Variants in FRMD4A observed in about 807,000 individuals in gnomAD.
FRMD4A encodes the protein FERM domain-containing protein 4A.
In FRMD4A, 29 loss-of-function variants were observed where a neutral mutation model predicts 129.1. The observed-to-expected ratio is 0.22, with a 90% CI of 0.17 to 0.31. The LOEUF is 0.31. Among genes scored for constraint, FRMD4A ranks in the 10% least tolerant of loss-of-function variants. The pLI is 1.00. For synonymous variants in FRMD4A, 634 were observed against 571.6 expected (o/e 1.11, Z -1.56); for missense variants, 1,272 against 1,375.8 (o/e 0.92, Z 1.19).
chr10:13,682,528 T>A (rs1298472279), intron 15 of FRMD4A, among the ~76,000 whole-genome samples: 1 of 136,904 alleles, frequency 7.3e-6, no homozygotes, highest in Non-Finnish European at 1.5e-5. Context: ...TGAGACAGAG[T>A]CTCGCTTTGT....
At chr10:13,955,711 G>A (rs923500078) in intron 2 of FRMD4A, among the ~76,000 whole-genome samples, 6 of 152,356 alleles carry the variant, frequency 3.9e-5, no homozygotes, top group Non-Finnish European at 7.3e-5. Flanking sequence ...GTGCCCTGCC[G>A]GGGTCTACTT....
intron 2 of FRMD4A, among the ~76,000 whole-genome samples, chr10:14,233,159 A>G (rs17154879): frequency 0.019 from 2,958 of 152,330 alleles, 68 homozygotes; most frequent in African/African-American, 0.05. Flanking sequence ...GACACAGTGT[A>G]AGCAGTCATT....
At chr10:13,890,041 CAG>C (rs1021974316) in intron 2 of FRMD4A, among the ~76,000 whole-genome samples, 3 of 152,150 alleles carry the variant, frequency 2.0e-5, no homozygotes, top group African/African-American at 4.8e-5. Flanking sequence ...TAACAGAAGA[CAG>C]TGTACAAACT....
rs371973025 is a variant in FRMD4A at position 14,178,941 on chromosome 10, A to T, written c.45+151117T>A. Reference sequence around the variant, plus strand: ...CCTATAGAGGAAAACTCCCCACACCAAGGAACCTCTCTTAGCAAATGCCCT... The same window carrying T: ...CCTATAGAGGAAAACTCCCCACACCTAGGAACCTCTCTTAGCAAATGCCCT... On this transcript the variant is annotated intron_variant, in intron 2 of 24. Coordinates refer to ENST00000357447, the MANE Select transcript of FRMD4A (RefSeq NM_018027.5). 4.5e-4 allele frequency among the ~76,000 whole-genome samples: 68 copies of T among 152,258 alleles called. No homozygotes were observed. The South Asian group carries it at 0.014, about 31-fold the overall frequency.
chr10:14,107,581 C>T (rs1399140961), intron 2 of FRMD4A, among the ~76,000 whole-genome samples: 1 of 152,156 alleles, frequency 6.6e-6, no homozygotes, highest in Non-Finnish European at 1.5e-5. Flanking sequence ...TTTGCTGCAT[C>T]ATTTTTCCTG....
At position 14,113,618 on chromosome 10, in the gene FRMD4A, C is replaced by T. The variant is rs758838543; in HGVS notation, c.45+216440G>A. 4.3e-4 allele frequency among the ~76,000 whole-genome samples: 66 copies of T among 151,978 alleles called. 1 individual carries two copies. The highest frequency in any genetic ancestry group is 8.2e-4 in the Non-Finnish European group (56 of 68,028). Reference sequence around the variant, plus strand: ...GAAAGGGGTATCAATGCCCCTAACCCCTATGTTGTTCAAGGATCCACTGTA... The same window carrying T: ...GAAAGGGGTATCAATGCCCCTAACCTCTATGTTGTTCAAGGATCCACTGTA... On this transcript the variant is annotated intron_variant, in intron 2 of 24. Coordinates refer to ENST00000357447, the MANE Select transcript of FRMD4A (RefSeq NM_018027.5).
At chr10:14,108,336 C>G (rs565570187) in intron 2 of FRMD4A, among the ~76,000 whole-genome samples, 1 of 152,200 alleles carries the variant, frequency 6.6e-6, no homozygotes, top group Non-Finnish European at 1.5e-5. Flanking sequence ...TTTGAGCAGA[C>G]TATTCAGCAG....
At chr10:13,958,047 T>C (rs900637635) in intron 2 of FRMD4A, among the ~76,000 whole-genome samples, 5 of 152,126 alleles carry the variant, frequency 3.3e-5, no homozygotes, top group African/African-American at 1.2e-4. Context: ...AATCCAGTGG[T>C]ATTTCTTGTC....
chr10:14,053,920 T>C (rs1834381388), intron 2 of FRMD4A, among the ~76,000 whole-genome samples: 2 of 152,068 alleles, frequency 1.3e-5, no homozygotes. Flanking sequence ...CGCAGGAGGA[T>C]CACCTGAGCC....
chr10:13,728,376 C>T (rs2090061779), intron 12 of FRMD4A, among the ~76,000 whole-genome samples: 1 of 151,898 alleles, frequency 6.6e-6, no homozygotes, highest in African/African-American at 2.4e-5. Context: ...ATGCTGGTAT[C>T]CTGCCTCCTG....
chr10:14,311,003 G>C (rs1459164607), intron 2 of FRMD4A, among the ~76,000 whole-genome samples: 1 of 152,108 alleles, frequency 6.6e-6, no homozygotes. Flanking sequence ...CGCTTCACTA[G>C]CATGGGGTTC....
chr10:14,049,182 C>T (rs563789240), intron 2 of FRMD4A, among the ~76,000 whole-genome samples: 1 of 152,288 alleles, frequency 6.6e-6, no homozygotes, highest in Admixed American at 6.5e-5. Context: ...AGGATAAGAG[C>T]AGCTGAGACT....
Position 13,693,918 on chromosome 10 carries a change from C to G in FRMD4A, c.1097G>C (p.Ser366Thr). 6.2e-7 allele frequency: 1 copy of G among 1,608,066 alleles called. No homozygotes were observed. Among genetic ancestry groups the G allele is most frequent in the Non-Finnish European group, 8.5e-7 (1 of 1,177,986 alleles). ...CCTACCTGAAGACAGCAGGCTGCCG[C>G]TGCTGCCGCTGATGATCTTCCCCTT... The part of the protein sequence containing the change: ...GSKGKIISGS[S>T]GSLLSSGSQE... Residue 366 changes from serine (S) to threonine (T), a missense_variant, in exon 15 of 25, where the codon AGC becomes ACC. Around this residue, in one of 2 missense-constraint regions of FRMD4A, gnomAD observed 300 missense variants for 483.6 expected, o/e 0.62. Transcript: ENST00000357447.
At chr10:14,121,196 C>T (rs1416937893) in intron 2 of FRMD4A, among the ~76,000 whole-genome samples, 5 of 151,964 alleles carry the variant, frequency 3.3e-5, no homozygotes, top group Non-Finnish European at 5.9e-5. Flanking sequence ...GGTGAAACCC[C>T]GTCTCTAGTA....
rs1190325310 is a variant in FRMD4A at position 14,187,483 on chromosome 10, C to T, written c.45+142575G>A. ...AGAGCCATTATCGTGGAATGACTGA[C>T]TTAGAGAACGCTCCATGGACATTTG... On this transcript the variant is annotated intron_variant, in intron 2 of 24. Transcript: ENST00000357447. Among the ~76,000 whole-genome samples, 3 of 152,176 alleles carry T rather than the reference C, an allele frequency of 2.0e-5. No homozygotes were observed. In the South Asian group the frequency reaches 6.2e-4, roughly 32 times the overall value.
intron 2 of FRMD4A, among the ~76,000 whole-genome samples, chr10:13,908,771 A>G (rs2094909711): frequency 1.3e-5 from 2 of 152,208 alleles, no homozygotes; most frequent in South Asian, 4.1e-4. Flanking sequence ...CTCAGTTATC[A>G]GTAGCATTGC....
intron 2 of FRMD4A, among the ~76,000 whole-genome samples, chr10:14,185,615 G>T (rs906987846): frequency 7.2e-6 from 1 of 139,266 alleles, no homozygotes; most frequent in Non-Finnish European, 1.6e-5. Context: ...AGACAGAAAG[G>T]GGATATATAC....
chr10:13,829,542 C>G (rs566752976), intron 3 of FRMD4A, among the ~76,000 whole-genome samples: 1 of 152,296 alleles, frequency 6.6e-6, no homozygotes, highest in South Asian at 2.1e-4. Flanking sequence ...GTTCCCACGT[C>G]CAAGCCCTTC....
chr10:13,672,065 C>T (rs181312771), intron 16 of FRMD4A, among the ~76,000 whole-genome samples: 38 of 152,322 alleles, frequency 2.5e-4, no homozygotes, highest in Middle Eastern at 3.4e-3. Flanking sequence ...CACATGTGTA[C>T]GCATGTATGC....
Sources: gnomAD v4.1 joint callset for allele counts (sites outside exome capture counted in the v4.1 genomes callset) on GRCh38, gnomAD v4.1.1 for gene constraint, gnomAD v4.1.1 regional missense constraint, MANE v1.5 for transcripts, NCBI Gene and HGNC (gene_info 2026-07-23, HGNC 2026-07-21) for gene names.